Variants in PCDH11X observed in about 807,000 individuals in gnomAD.
PCDH11X encodes protocadherin-11 X-linked.
PCDH11X carries 18 observed loss-of-function variants against 53.3 expected under a neutral mutation model. The observed-to-expected ratio is 0.34, with a 90% confidence interval of 0.23 to 0.50. The LOEUF (loss-of-function observed/expected upper bound fraction) is 0.50, where lower values mean the gene tolerates loss of function less well. PCDH11X is among the 20% of genes least tolerant of loss of function. The pLI, the probability that PCDH11X is intolerant of heterozygous loss-of-function variation, is 0.98. For missense variants in PCDH11X, 570 were observed against 1,032.4 expected (o/e 0.55, Z 6.14); for synonymous variants, 279 against 393.3 (o/e 0.71, Z 3.44).
chrX:91,799,773 A>T (rs55927558), intron 1 of PCDH11X, among the ~76,000 whole-genome samples: 2 of 112,228 alleles, frequency 1.8e-5, no homozygotes, highest in African/African-American at 6.5e-5. Flanking sequence ...TAGTAGGGAG[A>T]TTGAACTGAT....
chrX:92,230,879 C>T (rs1469663039), intron 7 of PCDH11X, among the ~76,000 whole-genome samples: 2 of 110,171 alleles, frequency 1.8e-5, no homozygotes, highest in Non-Finnish European at 3.8e-5. Context: ...CATTGGTAGC[C>T]ATACTACAGG....
At chrX:92,020,571 G>T (rs1268802027) in intron 6 of PCDH11X, among the ~76,000 whole-genome samples, 1 of 111,691 alleles carries the variant, frequency 9.0e-6, no homozygotes, top group Non-Finnish European at 1.9e-5. Flanking sequence ...AGGGGGAGGG[G>T]TGGCCTCAGT....
chrX:91,779,848 G>C (rs1347685852), intron 1 of PCDH11X, among the ~76,000 whole-genome samples, 164 bp downstream of exon 1: 1 of 109,668 alleles, frequency 9.1e-6, no homozygotes, highest in Non-Finnish European at 1.9e-5. Context: ...TTCTCTTCCC[G>C]GGAGGTAAGA....
intron 10 of PCDH11X, among the ~76,000 whole-genome samples, chrX:92,487,577 T>A (rs1458289035): frequency 9.0e-6 from 1 of 111,282 alleles, no homozygotes; most frequent in East Asian, 2.8e-4. Flanking sequence ...GGTTGTTAAA[T>A]CTTCCATTAG....
intron 6 of PCDH11X, among the ~76,000 whole-genome samples, chrX:91,941,403 A>C (rs982046155): frequency 9.0e-6 from 1 of 111,363 alleles, no homozygotes; most frequent in Non-Finnish European, 1.9e-5. Context: ...TAAAAGAAGT[A>C]GAAATGGCTA....
At chrX:92,505,952 G>GA (rs1168319316) in intron 10 of PCDH11X, among the ~76,000 whole-genome samples, 2 of 110,200 alleles carry the variant, frequency 1.8e-5, no homozygotes, top group Non-Finnish European at 3.8e-5. Flanking sequence ...TTCTTGATGT[G>GA]GCTCTCAGCT....
rs772978580 is a variant in PCDH11X at position 92,465,701 on chromosome X, ATAT to A, written c.3344-2595_3344-2593del. ...AATTTGTTTTAGGAATATAAAGGAG[ATAT>A]TAAAATATGTGTGTATGCGATAATG... is the stretch of plus-strand genomic sequence containing the variant. On this transcript the variant is annotated intron_variant, in intron 9 of 10. Coordinates refer to ENST00000682573, the MANE Select transcript of PCDH11X (RefSeq NM_032968.5). Among the ~76,000 whole-genome samples the A allele has an allele frequency of 2.5e-3, 278 of 111,374 alleles. 1 individual carries two copies. Among genetic ancestry groups the A allele is most frequent in the Non-Finnish European group, 2.6e-3 (135 of 52,910 alleles).
At chrX:91,780,535 C>T (rs1935098758) in intron 1 of PCDH11X, among the ~76,000 whole-genome samples, 1 of 112,412 alleles carries the variant, frequency 8.9e-6, no homozygotes, top group South Asian at 3.7e-4. Flanking sequence ...AATCCCTTAG[C>T]CAAATAAATA....
At chrX:91,850,508 A>C (rs1937946905) in intron 5 of PCDH11X, among the ~76,000 whole-genome samples, 2 of 111,649 alleles carry the variant, frequency 1.8e-5, no homozygotes, top group South Asian at 7.4e-4. Flanking sequence ...CTTTACATTA[A>C]TTTTTAGACA....
At chrX:91,947,706 C>T (rs1366664234) in intron 6 of PCDH11X, among the ~76,000 whole-genome samples, 2 of 106,843 alleles carry the variant, frequency 1.9e-5, no homozygotes, top group Non-Finnish European at 3.9e-5. Context: ...CTTGGCATGG[C>T]AAATGCACAA....
chrX:91,854,798 G>A (rs1938232965), intron 5 of PCDH11X, among the ~76,000 whole-genome samples: 2 of 111,435 alleles, frequency 1.8e-5, no homozygotes, highest in South Asian at 3.7e-4. Context: ...ATCTTATTTC[G>A]AGAAATGCCT....
intron 7 of PCDH11X, among the ~76,000 whole-genome samples, chrX:92,232,060 A>G (rs1277707873): frequency 8.9e-6 from 1 of 112,259 alleles, no homozygotes; most frequent in Non-Finnish European, 1.9e-5. Flanking sequence ...TTGTGACGAA[A>G]GAGAGATAAA....
chrX:92,111,127 T>TATTA (rs2064495113), intron 6 of PCDH11X, among the ~76,000 whole-genome samples: 2 of 103,444 alleles, frequency 1.9e-5, no homozygotes, highest in South Asian at 9.1e-4. Flanking sequence ...AGTGATATTT[T>TATTA]ATTACCAGCA....
chrX:92,398,399 T>C (rs1176806347), intron 9 of PCDH11X, among the ~76,000 whole-genome samples: 1 of 111,654 alleles, frequency 9.0e-6, no homozygotes, highest in Non-Finnish European at 1.9e-5. Flanking sequence ...AACTGAACTT[T>C]CAGAGCTGCT....
chrX:92,247,432 C>A (rs890555730), intron 7 of PCDH11X, among the ~76,000 whole-genome samples: 1 of 111,903 alleles, frequency 8.9e-6, no homozygotes, highest in African/African-American at 3.2e-5. Flanking sequence ...AAGCATGTCT[C>A]TTTGGTTACT....
Position 91,878,348 on chromosome X carries a change from A to G in PCDH11X, c.2108A>G (p.Asn703Ser), listed in dbSNP as rs1939721645. The change falls in exon 6 of 11, where the codon AAT becomes AGT. Residue 703 changes from asparagine to serine, a missense_variant. Asn to Ser is a conservative substitution (Grantham distance 46, BLOSUM62 1). Coordinates refer to ENST00000682573, the MANE Select transcript of PCDH11X (RefSeq NM_032968.5). ...TVVFQVIAVD[N>S]DTGMNAEVRY... ...GTCTTTCAGGTAATTGCTGTTGACA[A>G]TGACACTGGCATGAATGCAGAGGTT... The G allele has an allele frequency of 8.3e-7, 1 of 1,207,915 alleles. No homozygotes were observed. The highest frequency in any genetic ancestry group is 1.1e-6 in the Non-Finnish European group (1 of 893,395).
chrX:92,438,693 A>C (rs1324697033), intron 9 of PCDH11X, among the ~76,000 whole-genome samples: 1 of 111,604 alleles, frequency 9.0e-6, no homozygotes, highest in Non-Finnish European at 1.9e-5. Flanking sequence ...TTGAACCAGC[A>C]GGTCTTGCTA....
chrX:92,029,024 A>G (rs1465595362), intron 6 of PCDH11X, among the ~76,000 whole-genome samples: 1 of 109,668 alleles, frequency 9.1e-6, no homozygotes, highest in East Asian at 3.0e-4. Flanking sequence ...GGCCAGAAGG[A>G]TACCATTGAA....
chrX:92,078,667 TA>T (rs969651107), intron 6 of PCDH11X, among the ~76,000 whole-genome samples: 3 of 110,777 alleles, frequency 2.7e-5, no homozygotes, highest in Admixed American at 9.7e-5. Context: ...AGAGTTGTGT[TA>T]AGCCTTACTC....
Sources: allele counts gnomAD v4.1 joint callset (sites outside exome capture counted in the v4.1 genomes callset), GRCh38; gene constraint gnomAD v4.1.1; transcripts MANE v1.5; gene names NCBI Gene and HGNC (gene_info 2026-07-23, HGNC 2026-07-21).